The following ARSG variants were observed in gnomAD, a reference collection of about 807,000 sequenced individuals.
ARSG encodes ASG.
Under a neutral mutation model 50.5 loss-of-function variants are expected in ARSG, and 37 were observed. The observed-to-expected ratio is 0.73, with a 90% CI of 0.56 to 0.96. The LOEUF (loss-of-function observed/expected upper bound fraction) is 0.96, where lower values mean the gene tolerates loss of function less well. Among genes scored for constraint, ARSG ranks in the 50% least tolerant of loss-of-function variants. The pLI is 0.00. For missense variants in ARSG, 629 were observed against 675.3 expected, an observed-to-expected ratio of 0.93 and a Z score of 0.76; for synonymous variants, 225 against 254.6, an observed-to-expected ratio of 0.88 and a Z score of 1.11.
chr17:68,382,111 T>C (rs537498873), intron 8 of ARSG, among the ~76,000 whole-genome samples: 3 of 152,138 alleles, frequency 2.0e-5, no homozygotes, highest in African/African-American at 7.2e-5. Flanking sequence ...CCACCACGCC[T>C]GGCTAATTTT....
chr17:68,333,965 C>T (rs2077902003), intron 2 of ARSG, among the ~76,000 whole-genome samples: 1 of 152,036 alleles, frequency 6.6e-6, no homozygotes, highest in East Asian at 1.9e-4. Flanking sequence ...TTACCCAAGG[C>T]CCCCAGTGAT....
At chr17:68,371,332 A>C (rs1425780804) in intron 8 of ARSG, among the ~76,000 whole-genome samples, 1 of 151,590 alleles carries the variant, frequency 6.6e-6, no homozygotes, top group Admixed American at 6.6e-5. Context: ...AAAAAAAAAA[A>C]AAAAGAAGGA....
intron 11 of ARSG, among the ~76,000 whole-genome samples, chr17:68,411,895 G>A (rs2082019553): frequency 6.6e-6 from 1 of 151,394 alleles, no homozygotes; most frequent in African/African-American, 2.4e-5. Flanking sequence ...TGTCTCTTTT[G>A]ATCTTTGTTG....
chr17:68,298,674 C>T (rs958173099), intron 1 of ARSG, among the ~76,000 whole-genome samples: 1 of 149,028 alleles, frequency 6.7e-6, no homozygotes, highest in African/African-American at 2.5e-5. Flanking sequence ...GCCCAAACAA[C>T]AGAAATTTAT....
At chr17:68,360,434 C>T (rs1011804345) in intron 6 of ARSG, among the ~76,000 whole-genome samples, 3 of 152,178 alleles carry the variant, frequency 2.0e-5, no homozygotes, top group East Asian at 1.9e-4. Context: ...TGTGGCTTCC[C>T]GCTCTTCCTT....
chr17:68,313,218 G>T (rs8074567), intron 2 of ARSG, among the ~76,000 whole-genome samples: 1 of 151,866 alleles, frequency 6.6e-6, no homozygotes, highest in Non-Finnish European at 1.5e-5. Context: ...CCGAGATTGC[G>T]CCACTGCACT....
chr17:68,260,924 C>CT (rs2075062940), intron 1 of ARSG, among the ~76,000 whole-genome samples: 1 of 152,156 alleles, frequency 6.6e-6, no homozygotes, highest in East Asian at 1.9e-4. Flanking sequence ...ACCCACAGAC[C>CT]TCCATACTTA....
At chr17:68,436,392 C>T in the ARSG span, 1 of 1,613,854 alleles carries the variant, frequency 6.2e-7, no homozygotes, top group Non-Finnish European at 8.5e-7. Flanking sequence ...CAGGGAGTTT[C>T]CATCATAAAG....
chr17:68,425,924 C>A (rs56196726), downstream of ARSG: 35,143 of 659,812 alleles, frequency 0.053, 1,819 homozygotes, highest in South Asian at 0.17. Flanking sequence ...CACAGTACAA[C>A]AAATATCCTA....
chr17:68,268,603 T>C (rs1473519887), intron 1 of ARSG: 1 of 152,520 alleles, frequency 6.6e-6, no homozygotes, highest in Admixed American at 6.5e-5. Context: ...TTAAAAATGA[T>C]TGAAGTCTTT....
the ARSG span, among the ~76,000 whole-genome samples, chr17:68,429,498 A>G: frequency 1.3e-5 from 2 of 152,218 alleles, no homozygotes; most frequent in Non-Finnish European, 2.9e-5. Context: ...TAAAATTCCC[A>G]TGCCAACTTC....
chr17:68,311,067 G>T (rs946960000), intron 2 of ARSG, among the ~76,000 whole-genome samples: 3 of 152,084 alleles, frequency 2.0e-5, no homozygotes, highest in Non-Finnish European at 2.9e-5. Flanking sequence ...ATGTGGCGGT[G>T]CACGGGAGAA....
Position 68,420,627 on chromosome 17 carries a change from G to A in ARSG, c.*164G>A. Reference sequence around the variant, plus strand: ...CTTCTGTATCCTGTCCCTCCTCCACGCCGACCCGAGAGCAGCTGAGCTGCG... The same window carrying A: ...CTTCTGTATCCTGTCCCTCCTCCACACCGACCCGAGAGCAGCTGAGCTGCG... On this transcript the variant is annotated 3_prime_UTR_variant, in exon 12 of 12. Transcript: ENST00000621439. The A allele has an allele frequency of 3.7e-6, 3 of 806,202 alleles. No individual in the cohort carries two copies. The highest frequency in any genetic ancestry group is 1.8e-5 in the South Asian group (1 of 56,516). The allele number at this position is 806,202 out of a possible 1,614,324, so 49.9% of individuals were successfully genotyped here. A position where few individuals can be genotyped will look rare whatever the true frequency, so the allele number is the denominator to read the frequency against.
chr17:68,351,170 A>C (rs1340171342), intron 4 of ARSG, among the ~76,000 whole-genome samples: 3 of 151,982 alleles, frequency 2.0e-5, no homozygotes, highest in African/African-American at 7.3e-5. Context: ...CTTTCTAAAA[A>C]ATTTTTTATA....
chr17:68,269,121 A>T, intron 1 of ARSG: 1 of 1,513,974 alleles, frequency 6.6e-7, no homozygotes, highest in Admixed American at 2.3e-5. Context: ...TTGCACGTGA[A>T]CTCTGTGCTC....
intron 10 of ARSG, among the ~76,000 whole-genome samples, chr17:68,398,813 T>G (rs1392281488): frequency 6.6e-6 from 1 of 152,246 alleles, no homozygotes; most frequent in Non-Finnish European, 1.5e-5. Context: ...CCACATCAGC[T>G]GACACCATGC....
At chr17:68,321,080 G>A (rs1221161358) in intron 2 of ARSG, among the ~76,000 whole-genome samples, 4 of 152,074 alleles carry the variant, frequency 2.6e-5, no homozygotes, top group African/African-American at 7.2e-5. Context: ...TGAGACAGGA[G>A]GATCGCTTGA....
At chr17:68,426,239 G>A (rs966944376), downstream of ARSG, 61 of 1,170,174 alleles carry the variant, frequency 5.2e-5, 1 homozygote, top group Admixed American at 1.0e-3. Flanking sequence ...ATGACCTGGC[G>A]GGTGGGGAGC....
upstream of ARSG, among the ~76,000 whole-genome samples, chr17:68,287,953 T>TTCTC (rs150311794): frequency 6.8e-6 from 1 of 146,150 alleles, no homozygotes; most frequent in African/African-American, 2.5e-5. Flanking sequence ...CTCTCTCTCT[T>TTCTC]TCTCTCTCTC....
Sources: allele counts gnomAD v4.1 joint callset (sites outside exome capture counted in the v4.1 genomes callset), GRCh38; gene constraint gnomAD v4.1.1; transcripts MANE v1.5; gene names NCBI Gene and HGNC (gene_info 2026-07-23, HGNC 2026-07-21).